NIBAN1: variants seen among roughly 807,000 people sequenced by gnomAD.
NIBAN1 encodes protein Niban 1.
A neutral mutation model predicts 75.1 loss-of-function variants in NIBAN1; 81 were observed. The observed-to-expected ratio is 1.08, with a 90% confidence interval of 0.90 to 1.30. The LOEUF is 1.30. Among genes scored for constraint, NIBAN1 ranks in the 50% most tolerant of loss-of-function variants. The pLI is 0.00. For missense variants in NIBAN1, 1,133 were observed against 1,128.1 expected, an observed-to-expected ratio of 1.00 and a Z score of -0.06; for synonymous variants, 436 against 424.8, an observed-to-expected ratio of 1.03 and a Z score of -0.32.
At chr1:184,898,508 C>T (rs2101987572) in intron 2 of NIBAN1, among the ~76,000 whole-genome samples, 1 of 152,206 alleles carries the variant, frequency 6.6e-6, no homozygotes, top group East Asian at 1.9e-4. Context: ...CCCAGCCACT[C>T]AGGAGGCTGA....
intron 7 of NIBAN1, 82 bp downstream of exon 7, chr1:184,823,556 C>T: frequency 6.7e-7 from 1 of 1,482,714 alleles, no homozygotes; most frequent in Non-Finnish European, 9.3e-7. Context: ...ATATCAACAA[C>T]AACAACAAAT....
At chr1:184,807,959 A>T in intron 10 of NIBAN1, 115 bp downstream of exon 10, 1 of 1,223,476 alleles carries the variant, frequency 8.2e-7, no homozygotes, top group Non-Finnish European at 1.2e-6. Context: ...CATGATGGCT[A>T]AAGAGACGCG....
intron 5 of NIBAN1, among the ~76,000 whole-genome samples, chr1:184,832,545 C>T (rs1655027521): frequency 6.6e-6 from 1 of 152,288 alleles, no homozygotes; most frequent in East Asian, 1.9e-4. Context: ...TAATTATCCT[C>T]ATTTTACAGA....
At chr1:184,945,998 TAA>T (rs112599159) in intron 1 of NIBAN1, among the ~76,000 whole-genome samples, 8 of 145,700 alleles carry the variant, frequency 5.5e-5, no homozygotes, top group African/African-American at 5.0e-5. Context: ...GCGCTGGGAT[TAA>T]AAAAAAAAAA....
chr1:184,864,865 A>C (rs1190422971), intron 5 of NIBAN1, among the ~76,000 whole-genome samples: 1 of 151,720 alleles, frequency 6.6e-6, no homozygotes, highest in African/African-American at 2.4e-5. Context: ...AACTTAAAGT[A>C]TAATAATAAT....
At chr1:184,829,782 A>G (rs1451621951) in intron 6 of NIBAN1, among the ~76,000 whole-genome samples, 1 of 152,038 alleles carries the variant, frequency 6.6e-6, no homozygotes, top group Admixed American at 6.6e-5. Flanking sequence ...TCTATTTTCA[A>G]TGGCATCATG....
intron 5 of NIBAN1, among the ~76,000 whole-genome samples, chr1:184,845,053 C>A (rs1284372430): frequency 6.6e-6 from 1 of 152,218 alleles, no homozygotes; most frequent in African/African-American, 2.4e-5. Context: ...CAACAGAGTT[C>A]TCTTTAATTT....
At chr1:184,974,150 G>A in intron 1 of NIBAN1, 152 bp downstream of exon 1, 1 of 822,690 alleles carries the variant, frequency 1.2e-6, no homozygotes, top group Non-Finnish European at 1.7e-6. Context: ...GGCTGGGGCA[G>A]GAAACCCGAC....
At chr1:184,915,205 T>A (rs1012018476) in intron 1 of NIBAN1, among the ~76,000 whole-genome samples, 3 of 152,214 alleles carry the variant, frequency 2.0e-5, no homozygotes, top group Admixed American at 2.0e-4. Flanking sequence ...AAAATTCCAT[T>A]CCCTACCTCA....
chr1:184,853,740 C>T (rs1165296978), intron 5 of NIBAN1, among the ~76,000 whole-genome samples: 1 of 152,068 alleles, frequency 6.6e-6, no homozygotes, highest in Non-Finnish European at 1.5e-5. Context: ...CAAAAATACA[C>T]ATATACACAT....
chr1:184,852,368 T>A (rs139373151), intron 5 of NIBAN1, among the ~76,000 whole-genome samples: 11 of 152,304 alleles, frequency 7.2e-5, no homozygotes, highest in Non-Finnish European at 1.6e-4. Flanking sequence ...CAAGTGTGCC[T>A]GTGTCATAGG....
chr1:184,947,438 G>A (rs556482873), intron 1 of NIBAN1, among the ~76,000 whole-genome samples: 202 of 152,328 alleles, frequency 1.3e-3, no homozygotes, highest in Non-Finnish European at 1.6e-3. Flanking sequence ...TGTTGGCGAT[G>A]ATGAAAACAT....
chr1:184,841,850 G>A (rs1655295657), intron 5 of NIBAN1, among the ~76,000 whole-genome samples: 2 of 152,134 alleles, frequency 1.3e-5, no homozygotes, highest in African/African-American at 4.8e-5. Flanking sequence ...ATAGTCTCAT[G>A]GCATCATGTG....
At chr1:184,938,668 T>G (rs915410508) in intron 1 of NIBAN1, among the ~76,000 whole-genome samples, 1 of 152,226 alleles carries the variant, frequency 6.6e-6, no homozygotes, top group Non-Finnish European at 1.5e-5. Context: ...CTGTTAAGCT[T>G]TCTATTCAGA....
At chr1:184,923,973 G>A (rs1438967617) in intron 1 of NIBAN1, among the ~76,000 whole-genome samples, 1 of 128,740 alleles carries the variant, frequency 7.8e-6, no homozygotes, top group Admixed American at 7.5e-5. Flanking sequence ...TTTTTTTTTT[G>A]GTAGAGTCTT....
At chr1:184,864,246 T>G (rs1289758089) in intron 5 of NIBAN1, among the ~76,000 whole-genome samples, 1 of 152,202 alleles carries the variant, frequency 6.6e-6, no homozygotes, top group African/African-American at 2.4e-5. Context: ...CTTCACACAG[T>G]GCTTGGCACA....
chr1:184,944,499 C>T (rs959963594), intron 1 of NIBAN1, among the ~76,000 whole-genome samples: 6 of 152,136 alleles, frequency 3.9e-5, no homozygotes, highest in Non-Finnish European at 5.9e-5. Context: ...TGAAGAGGTA[C>T]GTGGTGAATA....
intron 1 of NIBAN1, among the ~76,000 whole-genome samples, chr1:184,917,419 A>G (rs557937008): frequency 6.1e-4 from 79 of 129,286 alleles, no homozygotes; most frequent in African/African-American, 1.8e-3. Flanking sequence ...TCACCATGTT[A>G]GCCAGGAAGG....
At chr1:184,806,238 G>A (rs564539587) in intron 10 of NIBAN1, among the ~76,000 whole-genome samples, 182 bp from the exon 11 acceptor site, 185 of 152,308 alleles carry the variant, frequency 1.2e-3, no homozygotes, top group African/African-American at 4.2e-3. Context: ...AAATGGTCAC[G>A]TGGTCACAGT....
Sources: gnomAD v4.1 joint callset for allele counts (sites outside exome capture counted in the v4.1 genomes callset) on GRCh38, gnomAD v4.1.1 for gene constraint, MANE v1.5 for transcripts, NCBI Gene and HGNC (gene_info 2026-07-23, HGNC 2026-07-21) for gene names.